Variants in KAT6B observed in about 807,000 individuals in gnomAD.
KAT6B encodes histone acetyltransferase KAT6B.
KAT6B carries 10 observed loss-of-function variants against 187.5 expected under a neutral mutation model. The observed-to-expected ratio is 0.05, with a 90% CI of 0.03 to 0.09. The LOEUF is 0.09. KAT6B is among the 10% of genes least tolerant of loss of function. The pLI, the probability that KAT6B is intolerant of heterozygous loss-of-function variation, is 1.00. For missense variants in KAT6B, 1,952 were observed against 2,558.9 expected, an observed-to-expected ratio of 0.76 and a Z score of 5.12; for synonymous variants, 861 against 926.8, an observed-to-expected ratio of 0.93 and a Z score of 1.29.
At chr10:74,912,375 G>GGATAGATAGATA (rs35051764) in intron 3 of KAT6B, among the ~76,000 whole-genome samples, 33,795 of 145,386 alleles carry the variant, frequency 0.23, 4,140 homozygotes, top group East Asian at 0.29. Context: ...ATGGATGGAT[G>GGATAGATAGATA]GATAGATAGA....
chr10:74,914,198 GA>G (rs1157506116), intron 3 of KAT6B, among the ~76,000 whole-genome samples: 2,117 of 130,622 alleles, frequency 0.016, 24 homozygotes, highest in African/African-American at 0.034. Flanking sequence ...ACAAAAAAAA[GA>G]AAAAAAAAAA....
intron 17 of KAT6B, 84 bp from the exon 18 acceptor site, chr10:75,028,405 A>G (rs966986775): frequency 6.9e-6 from 11 of 1,598,784 alleles, no homozygotes; most frequent in Non-Finnish European, 7.7e-6. Context: ...TTGCTAATTA[A>G]TTTAGAGGAA....
At chr10:74,912,937 C>T (rs1164055009) in intron 3 of KAT6B, among the ~76,000 whole-genome samples, 1 of 152,122 alleles carries the variant, frequency 6.6e-6, no homozygotes, top group Non-Finnish European at 1.5e-5. Context: ...AGCAGAGTGT[C>T]CTTGTTGCTA....
At chr10:74,902,125 T>A (rs1306050622) in intron 3 of KAT6B, among the ~76,000 whole-genome samples, 1 of 152,292 alleles carries the variant, frequency 6.6e-6, no homozygotes, top group East Asian at 1.9e-4. Context: ...TCAATCTCTG[T>A]TTCGTGTACT....
At chr10:74,836,141 T>C (rs775550381) in intron 1 of KAT6B, among the ~76,000 whole-genome samples, 1 of 152,236 alleles carries the variant, frequency 6.6e-6, no homozygotes, top group African/African-American at 2.4e-5. Flanking sequence ...TAGTAGCATG[T>C]ATCGAAACTT....
chr10:74,890,467 C>T (rs1018759022), intron 3 of KAT6B, among the ~76,000 whole-genome samples: 26 of 152,004 alleles, frequency 1.7e-4, no homozygotes, highest in African/African-American at 4.6e-4. Context: ...TGCAAAATCC[C>T]GTCCGTACTA....
chr10:74,939,997 T>C (rs1347283906), intron 3 of KAT6B, among the ~76,000 whole-genome samples: 1 of 152,174 alleles, frequency 6.6e-6, no homozygotes, highest in Non-Finnish European at 1.5e-5. Flanking sequence ...TTGAGACTGC[T>C]GCAACTTCTT....
At chr10:74,894,694 T>C (rs567451317) in intron 3 of KAT6B, among the ~76,000 whole-genome samples, 1 of 152,326 alleles carries the variant, frequency 6.6e-6, no homozygotes, top group African/African-American at 2.4e-5. Context: ...CTGGTTTATT[T>C]CACTTAGCTT....
chr10:74,826,640 A>C lies in KAT6B; in HGVS notation c.-474A>C, dbSNP rs1564888769. 1 of 153,196 alleles carries C rather than the reference A, an allele frequency of 6.5e-6. No individual in the cohort carries two copies. Among genetic ancestry groups the C allele is most frequent in the Non-Finnish European group, 1.5e-5 (1 of 68,186 alleles). 9.5% of individuals were successfully genotyped at this position (153,196 alleles called of 1,614,324 possible). On this transcript the variant is annotated 5_prime_UTR_variant, in exon 1 of 18. Transcript: ENST00000287239. ...TCATGTCAACGACAACAACAGGGGGACACAAAATGGCGGCGGCTTAGCTCC... is the reference window on the plus strand; with the variant it reads ...TCATGTCAACGACAACAACAGGGGGCCACAAAATGGCGGCGGCTTAGCTCC...
chr10:74,843,474 A>G lies in KAT6B; in HGVS notation c.617A>G (p.Asp206Gly), dbSNP rs751267223. The G allele has an allele frequency of 1.2e-6, 2 of 1,613,440 alleles. No individual in the cohort carries two copies. Among genetic ancestry groups the G allele is most frequent in the Non-Finnish European group, 1.7e-6 (2 of 1,180,010 alleles). Residue 206 changes from aspartate to glycine, a missense_variant, in exon 3 of 18, where the codon GAC becomes GGC. By Grantham distance (94) the Asp-to-Gly change is moderately conservative. This residue lies in a region of KAT6B where 218 missense variants were observed against 282.6 expected (regional missense o/e 0.77). Coordinates refer to ENST00000287239, the MANE Select transcript of KAT6B (RefSeq NM_012330.4). The stretch of plus-strand genomic sequence containing the variant: ...GTCAGCCTTCTACCCCATGAGAAAG[A>G]CCAGGTAAGCGAAGGAGTAATGTTC... ...PPVSLLPHEK[D>G]QPRADPIPIC...
At chr10:74,948,393 G>C (rs570978920) in intron 3 of KAT6B, among the ~76,000 whole-genome samples, 1 of 152,352 alleles carries the variant, frequency 6.6e-6, no homozygotes, top group Admixed American at 6.5e-5. Flanking sequence ...GGCATTGTCA[G>C]AGGTGGTGGT....
At chr10:74,887,875 G>A (rs890041706) in intron 3 of KAT6B, among the ~76,000 whole-genome samples, 3 of 152,014 alleles carry the variant, frequency 2.0e-5, no homozygotes, top group Admixed American at 1.3e-4. Flanking sequence ...TGGGGCATGC[G>A]CCTATAATTC....
At chr10:74,848,592 A>G (rs1378928146) in intron 3 of KAT6B, among the ~76,000 whole-genome samples, 1 of 151,406 alleles carries the variant, frequency 6.6e-6, no homozygotes. Flanking sequence ...AGCTATTGTT[A>G]GTGTATTTTA....
At chr10:74,961,358 A>G (rs1433475736) in intron 4 of KAT6B, among the ~76,000 whole-genome samples, 2 of 152,174 alleles carry the variant, frequency 1.3e-5, no homozygotes, top group Admixed American at 6.5e-5. Context: ...TGCCTGATCA[A>G]TTTAGTGGTG....
At chr10:74,936,123 C>T (rs973264456) in intron 3 of KAT6B, among the ~76,000 whole-genome samples, 1 of 152,052 alleles carries the variant, frequency 6.6e-6, no homozygotes, top group Non-Finnish European at 1.5e-5. Context: ...AAATTTTGGG[C>T]CGGGTGCGGT....
At position 74,847,412 on chromosome 10, in the gene KAT6B, C is replaced by T. The variant is rs1589461295; in HGVS notation, c.621+3934C>T. 3.9e-5 allele frequency among the ~76,000 whole-genome samples: 6 copies of T among 152,224 alleles called. 1 individual carries two copies. Among genetic ancestry groups the T allele is most frequent in the Admixed American group, 3.9e-4 (6 of 15,282 alleles). On this transcript the variant is annotated intron_variant, in intron 3 of 17. Transcript: ENST00000287239. Reference sequence around the variant, plus strand: ...GTGCAGTGGCTCATGCCTGTAATCCCAGCACTTTGGGAGGCCGAGGTGGGT... The same window carrying T: ...GTGCAGTGGCTCATGCCTGTAATCCTAGCACTTTGGGAGGCCGAGGTGGGT...
At chr10:74,929,349 C>T (rs1010826219) in intron 3 of KAT6B, among the ~76,000 whole-genome samples, 1 of 152,144 alleles carries the variant, frequency 6.6e-6, no homozygotes, top group Non-Finnish European at 1.5e-5. Context: ...GAAAACATTC[C>T]GTTTCTACCC....
chr10:74,826,664 C>A lies in KAT6B; in HGVS notation c.-450C>A. 6.5e-6 allele frequency: 1 copy of A among 153,852 alleles called. No individual in the cohort carries two copies. The highest frequency in any genetic ancestry group is 1.7e-4 in the South Asian group (1 of 5,718). 9.5% of individuals were successfully genotyped at this position (153,852 alleles called of 1,614,324 possible). A position where few individuals can be genotyped will look rare whatever the true frequency, so the allele number is the denominator to read the frequency against. ...GACACAAAATGGCGGCGGCTTAGCTCCTACCCCTGGCGGCGGCGGCAGCGG... is the reference window on the plus strand; with the variant it reads ...GACACAAAATGGCGGCGGCTTAGCTACTACCCCTGGCGGCGGCGGCAGCGG... On this transcript the variant is annotated 5_prime_UTR_variant, in exon 1 of 18. Transcript: ENST00000287239.
chr10:74,959,254 T>C (rs1251896629), intron 3 of KAT6B, among the ~76,000 whole-genome samples: 1 of 152,160 alleles, frequency 6.6e-6, no homozygotes. Flanking sequence ...AAATATTTAG[T>C]AGGTGAATAA....
Sources: gnomAD v4.1 joint callset for allele counts (sites outside exome capture counted in the v4.1 genomes callset) on GRCh38, gnomAD v4.1.1 for gene constraint, gnomAD v4.1.1 regional missense constraint, MANE v1.5 for transcripts, NCBI Gene and HGNC (gene_info 2026-07-23, HGNC 2026-07-21) for gene names.